The following OSBP2 variants were observed in gnomAD, a reference collection of about 807,000 sequenced individuals.
OSBP2 encodes the protein oxysterol-binding protein 2.
Under a neutral mutation model 96.0 loss-of-function variants are expected in OSBP2, and 66 were observed. The ratio of observed to expected loss-of-function variants is 0.69; its 90% confidence interval spans 0.56 to 0.84. The LOEUF (loss-of-function observed/expected upper bound fraction) is 0.84. OSBP2 is among the 40% of genes least tolerant of loss of function. The probability of loss-of-function intolerance (pLI) is 0.00; values close to 1 mark genes in which losing one functional copy is unlikely to be tolerated. For missense variants in OSBP2, 1,038 were observed against 1,222.7 expected (o/e 0.85, Z 2.25); for synonymous variants, 525 against 520.9 (o/e 1.01, Z -0.11).
At chr22:30,848,652 C>G (rs2038918500) in intron 2 of OSBP2, among the ~76,000 whole-genome samples, 1 of 152,138 alleles carries the variant, frequency 6.6e-6, no homozygotes, top group Non-Finnish European at 1.5e-5. Flanking sequence ...TTTACTTGTT[C>G]TAGAATTCCA....
At chr22:30,770,385 C>T (rs136327) in intron 2 of OSBP2, among the ~76,000 whole-genome samples, 8,787 of 151,912 alleles carry the variant, frequency 0.058, 270 homozygotes, top group Middle Eastern at 0.085. Flanking sequence ...CATGAGACAC[C>T]GGGCTGGCTG....
At chr22:30,897,416 A>G (rs2040089767) in intron 12 of OSBP2, among the ~76,000 whole-genome samples, 1 of 152,234 alleles carries the variant, frequency 6.6e-6, no homozygotes. Context: ...TTTCTCAAGT[A>G]TACATGGAAT....
chr22:30,806,071 G>A (rs1225216711), intron 2 of OSBP2, among the ~76,000 whole-genome samples: 1 of 152,184 alleles, frequency 6.6e-6, no homozygotes, highest in Non-Finnish European at 1.5e-5. Context: ...TTCAGGCCAG[G>A]CTTTCCTGCA....
chr22:30,770,863 A>ATTCT (rs1406710595), intron 2 of OSBP2, among the ~76,000 whole-genome samples: 2 of 152,138 alleles, frequency 1.3e-5, no homozygotes, highest in Non-Finnish European at 2.9e-5. Flanking sequence ...CCAGCTTCAA[A>ATTCT]TTCTTAGGTA....
At chr22:30,843,350 C>G (rs1034912654) in intron 2 of OSBP2, among the ~76,000 whole-genome samples, 1 of 152,078 alleles carries the variant, frequency 6.6e-6, no homozygotes, top group Non-Finnish European at 1.5e-5. Flanking sequence ...AAGCCAGGCT[C>G]CCACATTGTC....
intron 2 of OSBP2, among the ~76,000 whole-genome samples, chr22:30,745,225 C>CAA (rs953007383): frequency 7.0e-6 from 1 of 142,192 alleles, no homozygotes. Flanking sequence ...GAAAAAAATA[C>CAA]AAAAAAAAAA....
At chr22:30,902,077 A>G (rs2147190106) in intron 12 of OSBP2, 2 of 393,914 alleles carry the variant, frequency 5.1e-6, no homozygotes, top group South Asian at 4.7e-5. Flanking sequence ...CCCCAGTAAC[A>G]TGAAGCAACG....
chr22:30,695,367 T>G lies in OSBP2; in HGVS notation c.458T>G (p.Leu153Arg), dbSNP rs1454616464. ...CCAGCGTTAAAGCCCCTGCCTCTTC[T>G]GCGACCAGGACAGGCGAAGACTCCT... ...SLPALKPLPLLRPGQAKTPLG... is the reference protein window; with the variant it reads ...SLPALKPLPLRRPGQAKTPLG... The change falls in exon 1 of 14, where the codon CTG (leucine) becomes CGG (arginine). Residue 153 changes from leucine to arginine, a missense_variant. This residue lies in a region of OSBP2 where 281 missense variants were observed against 273.4 expected (regional missense o/e 1.03). Coordinates refer to ENST00000332585, the MANE Select transcript of OSBP2 (RefSeq NM_030758.4). 1 of 1,613,828 alleles carries G rather than the reference T, an allele frequency of 6.2e-7. No homozygotes were observed. Among genetic ancestry groups the G allele is most frequent in the Non-Finnish European group, 8.5e-7 (1 of 1,180,038 alleles).
intron 12 of OSBP2, among the ~76,000 whole-genome samples, chr22:30,900,279 A>T (rs542197183): frequency 6.6e-6 from 1 of 152,136 alleles, no homozygotes; most frequent in South Asian, 2.1e-4. Flanking sequence ...AATTAACAGC[A>T]TATAACATCA....
At chr22:30,776,306 G>C (rs1446903180) in intron 2 of OSBP2, among the ~76,000 whole-genome samples, 1 of 151,538 alleles carries the variant, frequency 6.6e-6, no homozygotes, top group Non-Finnish European at 1.5e-5. Context: ...TTTATTTTTA[G>C]TGGAGATGGG....
At chr22:30,694,792 A>G (rs2088990559), upstream of OSBP2, 2 of 586,628 alleles carry the variant, frequency 3.4e-6, no homozygotes, top group South Asian at 1.5e-4. Flanking sequence ...GGGACCGCGG[A>G]GGAACCCGCG....
At chr22:30,723,055 C>A (rs2089579893) in intron 1 of OSBP2, among the ~76,000 whole-genome samples, 1 of 152,116 alleles carries the variant, frequency 6.6e-6, no homozygotes, top group Non-Finnish European at 1.5e-5. Flanking sequence ...CAAAGTGTTG[C>A]TGGGATTACA....
intron 5 of OSBP2, 90 bp downstream of exon 5, chr22:30,888,430 G>A: frequency 3.6e-6 from 3 of 841,666 alleles, no homozygotes; most frequent in South Asian, 1.4e-5. Flanking sequence ...GTCTACTTGG[G>A]GTTTTCTTTC....
chr22:30,872,244 G>C, intron 3 of OSBP2: 1 of 456,614 alleles, frequency 2.2e-6, no homozygotes, highest in Non-Finnish European at 4.4e-6. Context: ...TTCTACCAGG[G>C]ACACACACAA....
At chr22:30,766,447 G>T (rs2090270287) in intron 2 of OSBP2, among the ~76,000 whole-genome samples, 1 of 152,084 alleles carries the variant, frequency 6.6e-6, no homozygotes, top group African/African-American at 2.4e-5. Flanking sequence ...ACATATCTAG[G>T]CTAGTTCATA....
intron 2 of OSBP2, among the ~76,000 whole-genome samples, chr22:30,848,035 G>T (rs1171603803): frequency 1.3e-5 from 2 of 151,864 alleles, no homozygotes; most frequent in African/African-American, 4.8e-5. Context: ...ATACTGTTTT[G>T]CTCCTTGATC....
At chr22:30,893,288 A>AT (rs1569170714) in intron 9 of OSBP2, 46 bp downstream of exon 9, 3 of 1,613,026 alleles carry the variant, frequency 1.9e-6, no homozygotes, top group Admixed American at 3.3e-5. Context: ...GACATTGTGC[A>AT]TAAGAGGGAG....
chr22:30,754,140 C>A (rs2090112775), intron 2 of OSBP2, among the ~76,000 whole-genome samples: 1 of 152,128 alleles, frequency 6.6e-6, no homozygotes, highest in African/African-American at 2.4e-5. Context: ...TCCTTTGAAT[C>A]TTTTGGCTGG....
intron 2 of OSBP2, chr22:30,844,445 T>G (rs1450356067): frequency 6.5e-6 from 1 of 153,304 alleles, no homozygotes; most frequent in East Asian, 1.9e-4. Context: ...TGCTGCAGTT[T>G]CTACATCAGC....
Sources: allele counts gnomAD v4.1 joint callset (sites outside exome capture counted in the v4.1 genomes callset), GRCh38; gene constraint gnomAD v4.1.1; regional missense constraint gnomAD v4.1.1; transcripts MANE v1.5; gene names NCBI Gene and HGNC (gene_info 2026-07-23, HGNC 2026-07-21).